The following USP37 variants were observed in gnomAD, a reference collection of about 807,000 sequenced individuals.
The protein encoded by USP37 is ubiquitin carboxyl-terminal hydrolase 37.
USP37 carries 27 observed loss-of-function variants against 124.0 expected under a neutral mutation model. That is an observed-to-expected ratio of 0.22 (90% CI 0.16 to 0.30). The LOEUF is 0.30. Among genes scored for constraint, USP37 ranks in the 10% least tolerant of loss-of-function variants. The pLI is 1.00. For synonymous variants in USP37, 365 were observed against 388.0 expected, an observed-to-expected ratio of 0.94 and a Z score of 0.70; for missense variants, 889 against 1,140.4, an observed-to-expected ratio of 0.78 and a Z score of 3.17.
intron 10 of USP37, among the ~76,000 whole-genome samples, chr2:218,529,611 A>G (rs778122388): frequency 6.6e-6 from 1 of 152,146 alleles, no homozygotes; most frequent in Non-Finnish European, 1.5e-5. Flanking sequence ...AGGCTGGGCA[A>G]CACAGTGAGA....
At position 218,480,226 on chromosome 2, in the gene USP37, G is replaced by A. The variant is rs941089024; in HGVS notation, c.1836-511C>T. On this transcript the variant is annotated intron_variant, in intron 17 of 25. Transcript: ENST00000258399. ...ATCCTGGCTAACATAGTGAAAACCC[G>A]TTTCTACTAAAAAAATACAAAAAAT... 7.3e-5 allele frequency among the ~76,000 whole-genome samples: 11 copies of A among 150,742 alleles called. 1 individual carries two copies. In the Middle Eastern group the frequency reaches 9.7e-3, roughly 133 times the overall value.
intron 13 of USP37, among the ~76,000 whole-genome samples, chr2:218,497,459 T>A (rs927523206): frequency 6.6e-6 from 1 of 152,074 alleles, no homozygotes; most frequent in Non-Finnish European, 1.5e-5. Context: ...AGTGGTATGA[T>A]CTTGGCTCAC....
chr2:218,510,916 G>A (rs369131561), intron 10 of USP37, among the ~76,000 whole-genome samples: 1 of 152,156 alleles, frequency 6.6e-6, no homozygotes, highest in East Asian at 1.9e-4. Flanking sequence ...GACTGATTGA[G>A]CCTGGGAGGC....
chr2:218,558,508 C>T lies in USP37; in HGVS notation c.146G>A (p.Arg49Lys). The T allele has an allele frequency of 6.2e-7, 1 of 1,608,362 alleles. No individual in the cohort carries two copies. Among genetic ancestry groups the T allele is most frequent in the Non-Finnish European group, 8.5e-7 (1 of 1,177,916 alleles). The change falls in exon 4 of 26, where the codon AGG becomes AAG. Residue 49 changes from arginine to lysine, a missense_variant. Around this residue, in one of 3 missense-constraint regions of USP37, gnomAD observed 374 missense variants for 386.0 expected, o/e 0.97. Transcript: ENST00000258399. ...VVHYNTGGIP[R>K]IFQLSHNIKN... ...AATATTTGGTATTACCTGAAATATC[C>T]TTGGAATTCCTCCAGTATTGTAGTG... is the stretch of plus-strand genomic sequence containing the variant.
chr2:218,502,791 T>C (rs1233769145), intron 11 of USP37, among the ~76,000 whole-genome samples: 3 of 152,062 alleles, frequency 2.0e-5, no homozygotes, highest in Non-Finnish European at 4.4e-5. Flanking sequence ...AAAGTAGCAT[T>C]ATAAGAAACC....
At chr2:218,519,012 C>G (rs1690446511) in intron 10 of USP37, among the ~76,000 whole-genome samples, 1 of 152,176 alleles carries the variant, frequency 6.6e-6, no homozygotes, top group Non-Finnish European at 1.5e-5. Context: ...GCTGCCCTTT[C>G]TTAAGTGGTC....
At chr2:218,495,478 T>G (rs1467261193) in intron 14 of USP37, among the ~76,000 whole-genome samples, 1 of 152,100 alleles carries the variant, frequency 6.6e-6, no homozygotes, top group Non-Finnish European at 1.5e-5. Context: ...GAAAAAAAGG[T>G]TTGATATAAT....
chr2:218,558,188 G>A (rs1025943997), intron 4 of USP37, among the ~76,000 whole-genome samples: 2 of 151,996 alleles, frequency 1.3e-5, no homozygotes, highest in Admixed American at 6.6e-5. Flanking sequence ...GGGAAAAAAA[G>A]GAAGAACTAA....
At chr2:218,533,339 A>ATT (rs1691442210) in intron 9 of USP37, among the ~76,000 whole-genome samples, 1 of 152,156 alleles carries the variant, frequency 6.6e-6, no homozygotes, top group Non-Finnish European at 1.5e-5. Flanking sequence ...GTAGAAAATT[A>ATT]GTATCACCCC....
At position 218,550,652 on chromosome 2, in the gene USP37, C is replaced by T. The variant is rs548520021; in HGVS notation, c.329-743G>A. Reference sequence around the variant, plus strand: ...AGAAAAAAGAAAAAAAAAAAAAAACCTCTATGCTCCTACCAAGTATATGAG... The same window carrying T: ...AGAAAAAAGAAAAAAAAAAAAAAACTTCTATGCTCCTACCAAGTATATGAG... On this transcript the variant is annotated intron_variant, in intron 5 of 25. Coordinates refer to ENST00000258399, the MANE Select transcript of USP37 (RefSeq NM_020935.3). Among the ~76,000 whole-genome samples the T allele has an allele frequency of 8.0e-5, 12 of 150,700 alleles. 1 individual carries two copies. In the East Asian group the frequency reaches 2.1e-3, roughly 27 times the overall value.
intron 10 of USP37, among the ~76,000 whole-genome samples, chr2:218,526,785 C>CTTTTTTTTTTTTTT (rs71064454): frequency 6.6e-5 from 5 of 75,934 alleles, no homozygotes; most frequent in African/African-American, 1.1e-4. Flanking sequence ...ATTTCATTTG[C>CTTTTTTTTTTTTTT]TTTTTTTTTT....
intron 9 of USP37, among the ~76,000 whole-genome samples, chr2:218,531,786 C>T (rs1214315862): frequency 6.6e-6 from 1 of 152,170 alleles, no homozygotes; most frequent in Non-Finnish European, 1.5e-5. Flanking sequence ...CTTGAGGGTT[C>T]AAGACATCAG....
intron 1 of USP37, among the ~76,000 whole-genome samples, chr2:218,567,118 ATAAGAG>A (rs1693651916): frequency 6.6e-6 from 1 of 152,226 alleles, no homozygotes; most frequent in South Asian, 2.1e-4. Flanking sequence ...AGGGAGGAAT[ATAAGAG>A]TAAAAGAAGA....
intron 10 of USP37, among the ~76,000 whole-genome samples, chr2:218,523,121 C>A (rs2106016688): frequency 6.6e-6 from 1 of 152,208 alleles, no homozygotes; most frequent in East Asian, 1.9e-4. Flanking sequence ...ACCAAAAATA[C>A]AAAAATTAGC....
At chr2:218,506,620 T>C (rs532574873) in intron 11 of USP37, among the ~76,000 whole-genome samples, 61 of 149,366 alleles carry the variant, frequency 4.1e-4, no homozygotes, top group African/African-American at 1.4e-3. Flanking sequence ...TTTTTTTTTT[T>C]CATCTTTTTT....
chr2:218,552,219 G>A (rs1401880627), intron 5 of USP37, among the ~76,000 whole-genome samples: 1 of 152,028 alleles, frequency 6.6e-6, no homozygotes, highest in Admixed American at 6.6e-5. Context: ...ACAAGAATAC[G>A]GTGTCGAATG....
intron 22 of USP37, 74 bp downstream of exon 22, chr2:218,463,210 ACACACACACACACACACACACT>A: frequency 2.7e-6 from 2 of 750,438 alleles, no homozygotes; most frequent in Non-Finnish European, 2.1e-6. Flanking sequence ...ACACACACAC[ACACACACACACACACACACACT>A]TTCTTTATAT....
At chr2:218,485,799 T>C in intron 15 of USP37, 56 bp from the exon 16 acceptor site, 1 of 1,557,402 alleles carries the variant, frequency 6.4e-7, no homozygotes, top group Non-Finnish European at 8.7e-7. Context: ...GTATCTTAAA[T>C]GCAAATAATT....
At chr2:218,535,762 G>T (rs1691598486) in intron 8 of USP37, among the ~76,000 whole-genome samples, 4 of 151,924 alleles carry the variant, frequency 2.6e-5, no homozygotes, top group Admixed American at 2.0e-4. Context: ...GGCTGAGGTG[G>T]GAGAATGGCG....
Sources: gnomAD v4.1 joint callset for allele counts (sites outside exome capture counted in the v4.1 genomes callset) on GRCh38, gnomAD v4.1.1 for gene constraint, gnomAD v4.1.1 regional missense constraint, MANE v1.5 for transcripts, NCBI Gene and HGNC (gene_info 2026-07-23, HGNC 2026-07-21) for gene names.